The following HLF variants were observed in gnomAD, a reference collection of about 807,000 sequenced individuals.
HLF encodes hepatic leukemia factor.
In HLF, 3 loss-of-function variants were observed where a neutral mutation model predicts 22.6. The observed-to-expected ratio is 0.13, with a 90% CI of 0.06 to 0.34. The LOEUF (loss-of-function observed/expected upper bound fraction) is 0.34, where lower values mean the gene tolerates loss of function less well. Ranked by LOEUF, HLF falls within the 10% of genes least tolerant of loss-of-function variation. The pLI, the probability that HLF is intolerant of heterozygous loss-of-function variation, is 1.00. For synonymous variants in HLF, 151 were observed against 151.8 expected, an observed-to-expected ratio of 0.99 and a Z score of 0.04; for missense variants, 299 against 389.2, an observed-to-expected ratio of 0.77 and a Z score of 1.95.
At chr17:55,285,161 A>G (rs1393749917) in intron 2 of HLF, among the ~76,000 whole-genome samples, 1 of 152,156 alleles carries the variant, frequency 6.6e-6, no homozygotes, top group Non-Finnish European at 1.5e-5. Context: ...GAGAGTATGG[A>G]AGTATGTGTA....
At chr17:55,279,543 G>A (rs551075666) in intron 2 of HLF, among the ~76,000 whole-genome samples, 2 of 151,986 alleles carry the variant, frequency 1.3e-5, no homozygotes, top group African/African-American at 4.8e-5. Flanking sequence ...AGACCAACCT[G>A]GGTAACCGAG....
At chr17:55,270,656 C>CT (rs10712714) in intron 2 of HLF, among the ~76,000 whole-genome samples, 2,697 of 84,522 alleles carry the variant, frequency 0.032, 130 homozygotes, top group African/African-American at 0.097. Flanking sequence ...TTGGGTAAAT[C>CT]TTTTTTTTTT....
At chr17:55,297,372 C>G (rs374592077) in intron 2 of HLF, among the ~76,000 whole-genome samples, 107 of 152,206 alleles carry the variant, frequency 7.0e-4, no homozygotes, top group African/African-American at 2.5e-3. Context: ...TATTGAAAGT[C>G]TTTCTCTTAT....
Position 55,313,351 on chromosome 17 carries a change from GGTGTGTGCGTGTGT to G in HLF, c.452-1868_452-1855del, listed in dbSNP as rs1040528711. On this transcript the variant is annotated intron_variant, in intron 2 of 3. Coordinates refer to ENST00000226067, the MANE Select transcript of HLF (RefSeq NM_002126.5). ...GACCATGTGGTATGGTAGAGGAGGA[GGTGTGTGCGTGTGT>G]GTGTGTGTGTGTGTGTGTGTGTGTA... 4.6e-4 allele frequency among the ~76,000 whole-genome samples: 61 copies of G among 132,692 alleles called. 1 individual carries two copies. Among genetic ancestry groups the G allele is most frequent in the South Asian group, 2.4e-4 (1 of 4,176 alleles). The allele number at this position is 132,692 out of a possible 152,430, so 87.1% of individuals were successfully genotyped here. A position where few individuals can be genotyped will look rare whatever the true frequency, so the allele number is the denominator to read the frequency against.
chr17:55,291,306 GGACAGGCT>G (rs2081059689), intron 2 of HLF, among the ~76,000 whole-genome samples: 2 of 152,206 alleles, frequency 1.3e-5, no homozygotes, highest in African/African-American at 4.8e-5. Context: ...TGGCATCGAA[GGACAGGCT>G]GACTTTTGTT....
intron 2 of HLF, among the ~76,000 whole-genome samples, chr17:55,275,279 A>AGATACAG (rs2080895318): frequency 6.6e-6 from 1 of 152,092 alleles, no homozygotes; most frequent in Admixed American, 6.5e-5. Flanking sequence ...TATTTTCTAT[A>AGATACAG]GATACAGGGT....
chr17:55,314,264 T>A (rs1247802883), intron 2 of HLF, among the ~76,000 whole-genome samples: 1 of 152,242 alleles, frequency 6.6e-6, no homozygotes, highest in Non-Finnish European at 1.5e-5. Flanking sequence ...TGGTTTTGCC[T>A]GTAGGACCCT....
At chr17:55,267,100 A>G (rs1013333264) in intron 1 of HLF, among the ~76,000 whole-genome samples, 2 of 152,236 alleles carry the variant, frequency 1.3e-5, no homozygotes, top group African/African-American at 4.8e-5. Context: ...CTCTGCCAAC[A>G]TGAGGCATTG....
rs746849421 is a variant in HLF at position 55,265,549 on chromosome 17, T to C, written c.65T>C (p.Leu22Pro). Reference protein sequence around the residue: ...PTFIPPPYGVLRSLLENPLKL... With the variant: ...PTFIPPPYGVPRSLLENPLKL... ...TTTATCCCGCCTCCCTACGGCGTGCTCAGGTCCCTGCTGGAGAACCCGCTG... is the reference window on the plus strand; with the variant it reads ...TTTATCCCGCCTCCCTACGGCGTGCCCAGGTCCCTGCTGGAGAACCCGCTG... The change falls in exon 1 of 4, where the codon CTC becomes CCC. Residue 22 changes from leucine (L) to proline (P), a missense_variant. Physicochemically the swap from Leu to Pro is moderately conservative, Grantham distance 98. Around this residue, in one of 3 missense-constraint regions of HLF, gnomAD observed 72 missense variants for 74.0 expected, o/e 0.97. Coordinates refer to ENST00000226067, the MANE Select transcript of HLF (RefSeq NM_002126.5). 4.3e-6 allele frequency: 7 copies of C among 1,610,176 alleles called. No individual in the cohort carries two copies.
At chr17:55,307,073 T>TC (rs1904608119) in intron 2 of HLF, among the ~76,000 whole-genome samples, 1 of 151,388 alleles carries the variant, frequency 6.6e-6, no homozygotes, top group Non-Finnish European at 1.5e-5. Context: ...TTTTTTTTTT[T>TC]CCTCATCCCA....
rs1307294419 is a variant in HLF at position 55,321,432 on chromosome 17, C to CT, written c.*556dup. 4.3e-6 allele frequency: 1 copy of CT among 232,358 alleles called. No homozygotes were observed. Among genetic ancestry groups the CT allele is most frequent in the Non-Finnish European group, 8.5e-6 (1 of 117,330 alleles). 14.4% of individuals were successfully genotyped at this position (232,358 alleles called of 1,614,324 possible). A position where few individuals can be genotyped will look rare whatever the true frequency, so the allele number is the denominator to read the frequency against. On this transcript the variant is annotated 3_prime_UTR_variant, in exon 4 of 4. Transcript: ENST00000226067. ...TCCTTTATAAGTTGCTTTCCTCTTA[C>CT]TTTCAGTTTTGGTGATAATCGTCTT...
chr17:55,295,400 A>AG (rs1245637877), intron 2 of HLF, among the ~76,000 whole-genome samples: 5 of 152,214 alleles, frequency 3.3e-5, no homozygotes, highest in Non-Finnish European at 7.3e-5. Flanking sequence ...ATATAATGAG[A>AG]GGGGAAAAAA....
At chr17:55,268,754 T>G (rs530345098) in intron 2 of HLF, among the ~76,000 whole-genome samples, 2 of 152,276 alleles carry the variant, frequency 1.3e-5, no homozygotes, top group South Asian at 4.1e-4. Flanking sequence ...TTTTTTTCAT[T>G]TTCATCTGTC....
rs1180230459 is a variant in HLF at position 55,316,997 on chromosome 17, G to A, written c.672+1550G>A. Among the ~76,000 whole-genome samples, 6 of 128,752 alleles carry A rather than the reference G, an allele frequency of 4.7e-5. No individual in the cohort carries two copies. The East Asian group carries it at 1.3e-3, about 28-fold the overall frequency. The allele number at this position is 128,752 out of a possible 152,430, so 84.5% of individuals were successfully genotyped here. On this transcript the variant is annotated intron_variant, in intron 3 of 3. Transcript: ENST00000226067. ...TTTTTTTTTTTTTTGAGATGGAGTCGCACTCTGTTGCCCAGGCTGGAGTGC... is the reference window on the plus strand; with the variant it reads ...TTTTTTTTTTTTTTGAGATGGAGTCACACTCTGTTGCCCAGGCTGGAGTGC...
rs368420702 is a variant in HLF at position 55,320,923 on chromosome 17, G to T, written c.*44G>T. The T allele has an allele frequency of 9.6e-4, 1,446 of 1,501,584 alleles. 1 individual carries two copies. The highest frequency in any genetic ancestry group is 1.2e-3 in the Non-Finnish European group (1,331 of 1,093,782). 93.0% of individuals were successfully genotyped at this position (1,501,584 alleles called of 1,614,324 possible). ...TGGCTTTGGAATAGATGGACAGTTT[G>T]TTTCCTGTCTGATAGCACCACACGC... On this transcript the variant is annotated 3_prime_UTR_variant, in exon 4 of 4. Transcript: ENST00000226067. This position sits in a 1 kb window ranked among gnomAD's most constrained non-coding sequence, Gnocchi z 4.2.
At chr17:55,308,911 G>T (rs1366629988) in intron 2 of HLF, among the ~76,000 whole-genome samples, 1 of 152,188 alleles carries the variant, frequency 6.6e-6, no homozygotes, top group Non-Finnish European at 1.5e-5. Flanking sequence ...GCTGACCTAG[G>T]CTGGCCTCTT....
intron 2 of HLF, among the ~76,000 whole-genome samples, chr17:55,269,079 G>A (rs952275063): frequency 1.3e-5 from 2 of 152,186 alleles, no homozygotes; most frequent in African/African-American, 2.4e-5. Flanking sequence ...AGGACAATGC[G>A]AAACTTGTGC....
At chr17:55,284,298 C>G (rs2080981180) in intron 2 of HLF, among the ~76,000 whole-genome samples, 1 of 152,174 alleles carries the variant, frequency 6.6e-6, no homozygotes, top group African/African-American at 2.4e-5. Context: ...GGACTTGATC[C>G]AAGAGTGTGT....
intron 2 of HLF, among the ~76,000 whole-genome samples, chr17:55,294,879 A>G (rs552824116): frequency 6.6e-6 from 1 of 152,350 alleles, no homozygotes; most frequent in East Asian, 1.9e-4. Context: ...CTTGCTGTCA[A>G]GTCGGATACA....
Sources: allele counts gnomAD v4.1 joint callset (sites outside exome capture counted in the v4.1 genomes callset), GRCh38; gene constraint gnomAD v4.1.1; regional missense constraint gnomAD v4.1.1; non-coding constraint Gnocchi (gnomAD v3.1); transcripts MANE v1.5; gene names NCBI Gene and HGNC (gene_info 2026-07-23, HGNC 2026-07-21).